Variants in B4GALT4 observed in about 807,000 individuals in gnomAD.
B4GALT4 encodes the protein N-acetyllactosamine synthase.
Under a neutral mutation model 37.3 loss-of-function variants are expected in B4GALT4, and 27 were observed. The ratio of observed to expected loss-of-function variants is 0.72; its 90% CI spans 0.53 to 1.00. The LOEUF is 1.00. B4GALT4 is among the 50% of genes least tolerant of loss of function. B4GALT4 has a pLI of 0.00. For missense variants in B4GALT4, 372 were observed against 413.1 expected, an observed-to-expected ratio of 0.90 and a Z score of 0.86; for synonymous variants, 148 against 154.1, an observed-to-expected ratio of 0.96 and a Z score of 0.29.
intron 4 of B4GALT4, among the ~76,000 whole-genome samples, chr3:119,225,484 C>T (rs1291892405): frequency 6.6e-6 from 1 of 152,024 alleles, no homozygotes; most frequent in Non-Finnish European, 1.5e-5. Context: ...GCAGCCTCCA[C>T]CTCCTGGGTT....
intron 7 of B4GALT4, 147 bp downstream of exon 7, chr3:119,216,093 C>T (rs2078282324): frequency 1.9e-6 from 1 of 519,446 alleles, no homozygotes; most frequent in Non-Finnish European, 3.2e-6. Flanking sequence ...GCACCACTTT[C>T]TCTCCTTTTG....
At chr3:119,239,021 C>A (rs2079068432) in intron 1 of B4GALT4, among the ~76,000 whole-genome samples, 1 of 152,108 alleles carries the variant, frequency 6.6e-6, no homozygotes, top group Non-Finnish European at 1.5e-5. Context: ...TTTCAAAGGC[C>A]TGAAGTGGAG....
chr3:119,233,355 C>T (rs191414330), intron 2 of B4GALT4, among the ~76,000 whole-genome samples: 40 of 152,246 alleles, frequency 2.6e-4, no homozygotes, highest in South Asian at 1.7e-3. Context: ...CTAAAACTGT[C>T]CTAAAAAATA....
At chr3:119,218,525 TC>T in intron 6 of B4GALT4, 124 bp downstream of exon 6, 1 of 1,404,126 alleles carries the variant, frequency 7.1e-7, no homozygotes, top group Non-Finnish European at 9.7e-7. Flanking sequence ...CCTGCACCCT[TC>T]AAGCCCAAAT....
At chr3:119,216,817 T>C (rs2078306153) in intron 6 of B4GALT4, among the ~76,000 whole-genome samples, 2 of 152,232 alleles carry the variant, frequency 1.3e-5, no homozygotes, top group Non-Finnish European at 2.9e-5. Flanking sequence ...GACTCTGTTA[T>C]TTACAACCTC....
chr3:119,231,372 C>T (rs2107527347), intron 2 of B4GALT4, among the ~76,000 whole-genome samples: 2 of 152,332 alleles, frequency 1.3e-5, no homozygotes, highest in South Asian at 4.1e-4. Context: ...GTGGACAAAT[C>T]ACGTCTCTCC....
chr3:119,230,154 C>A lies in B4GALT4; in HGVS notation c.-55G>T. 6.3e-7 allele frequency: 1 copy of A among 1,591,994 alleles called. No individual in the cohort carries two copies. Among genetic ancestry groups the A allele is most frequent in the Admixed American group, 1.7e-5 (1 of 57,462 alleles). On this transcript the variant is annotated 5_prime_UTR_variant, in exon 3 of 8. Coordinates refer to ENST00000393765, the MANE Select transcript of B4GALT4 (RefSeq NM_003778.4). ...CTCTGCTTCACTGCAGGCAAGAAAG[C>A]TTCAAGTTGAGCTTTTCCAATCTGA...
chr3:119,226,084 C>T (rs992530639), intron 4 of B4GALT4, among the ~76,000 whole-genome samples: 2 of 152,114 alleles, frequency 1.3e-5, no homozygotes, highest in African/African-American at 2.4e-5. Flanking sequence ...TCTTGGCCTC[C>T]TTGGATGGCC....
At chr3:119,234,554 T>C (rs182294106) in intron 2 of B4GALT4, among the ~76,000 whole-genome samples, 103 of 152,372 alleles carry the variant, frequency 6.8e-4, no homozygotes, top group African/African-American at 1.9e-3. Flanking sequence ...ATTTCCATTT[T>C]TTCTTTTAAT....
chr3:119,212,050 T>A lies in B4GALT4; in HGVS notation c.*499A>T, dbSNP rs760496916. 490 of 672,812 alleles carry A rather than the reference T, an allele frequency of 7.3e-4. 9 individuals carry two copies. The highest frequency in any genetic ancestry group is 1.5e-4 in the Non-Finnish European group (54 of 369,134). 41.7% of individuals were successfully genotyped at this position (672,812 alleles called of 1,614,324 possible). A position where few individuals can be genotyped will look rare whatever the true frequency, so the allele number is the denominator to read the frequency against. On this transcript the variant is annotated 3_prime_UTR_variant, in exon 8 of 8. Coordinates refer to ENST00000393765, the MANE Select transcript of B4GALT4 (RefSeq NM_003778.4). ...TCCTGATTCGTCGCCTTTTCTCCCC[T>A]CTTTTGTGGACGCCTTCTCACCTGA...
rs887205145 is a variant in B4GALT4 at position 119,224,234 on chromosome 3, T to C, written c.498A>G (p.Lys166=). The C allele has an allele frequency of 2.5e-6, 4 of 1,606,912 alleles. No individual in the cohort carries two copies. Among genetic ancestry groups the C allele is most frequent in the South Asian group, 1.1e-5 (1 of 89,504 alleles). Residue 166 remains lysine (K), a synonymous_variant, in exon 5 of 8, where the codon AAA becomes AAG. Coordinates refer to ENST00000393765, the MANE Select transcript of B4GALT4 (RefSeq NM_003778.4). ...GIYVIHQAEG[K]KFNRAKLLNV... ...TCAAGAGTTTGGCTCGATTAAACTT[T>C]TTACCTTCAGCCTAGAGATATGAAA...
Position 119,229,835 on chromosome 3 carries a change from A to C in B4GALT4, c.253+12T>G. On this transcript the variant is annotated intron_variant, in intron 3 of 7. Coordinates refer to ENST00000393765, the MANE Select transcript of B4GALT4 (RefSeq NM_003778.4). ...GCATACTACTTAATCAAAGGAAAAA[A>C]GCAACACTTACTGAGGTAAGGAGAC... 6.2e-7 allele frequency: 1 copy of C among 1,611,554 alleles called. No individual in the cohort carries two copies. The highest frequency in any genetic ancestry group is 8.5e-7 in the Non-Finnish European group (1 of 1,178,588).
chr3:119,233,880 G>T (rs1284076960), intron 2 of B4GALT4, among the ~76,000 whole-genome samples: 1 of 152,232 alleles, frequency 6.6e-6, no homozygotes, highest in Non-Finnish European at 1.5e-5. Context: ...AGGAAGTTCA[G>T]AAGTAAGGTT....
intron 5 of B4GALT4, among the ~76,000 whole-genome samples, chr3:119,219,323 C>T (rs2078379513): frequency 6.6e-6 from 1 of 152,184 alleles, no homozygotes; most frequent in South Asian, 2.1e-4. Flanking sequence ...CCTGGATAAC[C>T]CAACACATGT....
At chr3:119,229,761 G>T in intron 3 of B4GALT4, 86 bp downstream of exon 3, 2 of 1,370,046 alleles carry the variant, frequency 1.5e-6, no homozygotes, top group South Asian at 1.4e-5. Context: ...TGGGGTACAT[G>T]AGATGTTTTG....
intron 7 of B4GALT4, 141 bp downstream of exon 7, chr3:119,216,099 T>C: frequency 1.8e-6 from 1 of 561,380 alleles, no homozygotes; most frequent in Non-Finnish European, 2.9e-6. Context: ...CTTTCTCTCC[T>C]TTTGTGTCTG....
At chr3:119,224,606 C>A (rs1269008585) in intron 4 of B4GALT4, among the ~76,000 whole-genome samples, 3 of 152,128 alleles carry the variant, frequency 2.0e-5, no homozygotes, top group African/African-American at 7.2e-5. Flanking sequence ...AGATACATTG[C>A]ATGTAAATAT....
At chr3:119,233,232 A>C (rs1181992881) in intron 2 of B4GALT4, 5 of 152,248 alleles carry the variant, frequency 3.3e-5, no homozygotes, top group Admixed American at 3.3e-4. Flanking sequence ...AAGATCTTAA[A>C]GACCACACAT....
intron 2 of B4GALT4, among the ~76,000 whole-genome samples, chr3:119,231,241 GT>G (rs1222985810): frequency 3.3e-5 from 5 of 152,114 alleles, no homozygotes; most frequent in Admixed American, 3.3e-4. Context: ...CAAAAATCAT[GT>G]TTTTAAGACC....
Sources: allele counts gnomAD v4.1 joint callset (sites outside exome capture counted in the v4.1 genomes callset), GRCh38; gene constraint gnomAD v4.1.1; transcripts MANE v1.5; gene names NCBI Gene and HGNC (gene_info 2026-07-23, HGNC 2026-07-21).